DAPK2: variants seen among roughly 807,000 people sequenced by gnomAD.
DAPK2 encodes death-associated protein kinase 2.
A neutral mutation model predicts 44.1 loss-of-function variants in DAPK2; 35 were observed. The observed-to-expected ratio is 0.79, with a 90% confidence interval of 0.61 to 1.05. The LOEUF (loss-of-function observed/expected upper bound fraction) is 1.05. DAPK2 is among the 50% of genes least tolerant of loss of function. The pLI is 0.00. For missense variants in DAPK2, 453 were observed against 483.2 expected, an observed-to-expected ratio of 0.94 and a Z score of 0.59; for synonymous variants, 174 against 182.6, an observed-to-expected ratio of 0.95 and a Z score of 0.38.
chr15:64,031,835 G>T (rs1287441885), intron 1 of DAPK2, among the ~76,000 whole-genome samples: 1 of 152,150 alleles, frequency 6.6e-6, no homozygotes, highest in Admixed American at 6.5e-5. Context: ...TACTTCACAG[G>T]GTGTTATGAG....
intron 2 of DAPK2, among the ~76,000 whole-genome samples, chr15:63,982,389 C>T (rs574461157): frequency 3.9e-5 from 6 of 151,984 alleles, no homozygotes; most frequent in Admixed American, 6.6e-5. Flanking sequence ...TGGGGTTTCA[C>T]CATGTTAGCC....
intron 1 of DAPK2, among the ~76,000 whole-genome samples, chr15:64,002,852 G>A (rs2079117364): frequency 6.6e-6 from 1 of 151,480 alleles, no homozygotes; most frequent in Admixed American, 6.6e-5. Flanking sequence ...ACAAAGAATC[G>A]CCTAATTAAT....
intron 3 of DAPK2, among the ~76,000 whole-genome samples, chr15:63,961,948 G>A (rs1209397614): frequency 6.6e-6 from 1 of 152,268 alleles, no homozygotes. Flanking sequence ...TTTCCAACCT[G>A]GTTCCACTCT....
At chr15:63,959,310 T>C (rs1180956678) in intron 3 of DAPK2, among the ~76,000 whole-genome samples, 1 of 152,198 alleles carries the variant, frequency 6.6e-6, no homozygotes, top group Non-Finnish European at 1.5e-5. Flanking sequence ...ACAGGGACAA[T>C]TTGACTTCCT....
At chr15:63,925,153 C>T (rs1213496909) in intron 7 of DAPK2, among the ~76,000 whole-genome samples, 1 of 152,208 alleles carries the variant, frequency 6.6e-6, no homozygotes, top group East Asian at 1.9e-4. Context: ...AATGAGCTTC[C>T]AGAATCTTCC....
At chr15:63,926,423 G>T (rs2079270250) in intron 6 of DAPK2, among the ~76,000 whole-genome samples, 1 of 152,090 alleles carries the variant, frequency 6.6e-6, no homozygotes, top group African/African-American at 2.4e-5. Context: ...AAGGATAGGG[G>T]AGCACAGGAA....
intron 1 of DAPK2, among the ~76,000 whole-genome samples, chr15:64,005,777 C>T (rs2079210237): frequency 6.6e-6 from 1 of 152,038 alleles, no homozygotes; most frequent in African/African-American, 2.4e-5. Context: ...GCCTGTAATC[C>T]CAGCTACTCA....
intron 1 of DAPK2, among the ~76,000 whole-genome samples, chr15:64,006,883 G>A (rs908953942): frequency 2.0e-5 from 3 of 152,152 alleles, no homozygotes; most frequent in Admixed American, 2.0e-4. Flanking sequence ...AGGTAGCCAA[G>A]AAGGAAGTAG....
Position 64,037,945 on chromosome 15 carries a change from CA to C in DAPK2, c.92+2224del, listed in dbSNP as rs557317073. 7.9e-3 allele frequency among the ~76,000 whole-genome samples: 1,200 copies of C among 152,294 alleles called. 7 individuals carry two copies. The highest frequency in any genetic ancestry group is 0.012 in the Non-Finnish European group (814 of 68,014). On this transcript the variant is annotated intron_variant, in intron 1 of 10. Transcript: ENST00000261891. ...TTAGAAGAGTAGGGGAGGTGAGAAT[CA>C]CCCCAAGACACCCCAGGCTATGAGC... is the stretch of plus-strand genomic sequence containing the variant.
Position 63,966,962 on chromosome 15 carries a change from C to T in DAPK2, c.453+4461G>A, listed in dbSNP as rs1319780257. On this transcript the variant is annotated intron_variant, in intron 3 of 10. Coordinates refer to ENST00000261891, the Ensembl canonical transcript of DAPK2. This position sits in a 1 kb window ranked among gnomAD's most constrained non-coding sequence, Gnocchi z 5.5. ...TTGGGAGGCCGAGGTGGGCGGATCACGAGTCAGGAGATGGAGACCATCCTG... is the reference window on the plus strand; with the variant it reads ...TTGGGAGGCCGAGGTGGGCGGATCATGAGTCAGGAGATGGAGACCATCCTG... Among the ~76,000 whole-genome samples the T allele has an allele frequency of 2.0e-5, 3 of 151,904 alleles. No individual in the cohort carries two copies. The highest frequency in any genetic ancestry group is 4.8e-5 in the African/African-American group (2 of 41,332).
At chr15:63,955,731 C>A (rs1345894150) in intron 3 of DAPK2, among the ~76,000 whole-genome samples, 1 of 152,126 alleles carries the variant, frequency 6.6e-6, no homozygotes, top group Non-Finnish European at 1.5e-5. Flanking sequence ...CCACACCCAG[C>A]TAATTTTTGT....
At chr15:63,999,949 T>G (rs2079039942) in intron 1 of DAPK2, among the ~76,000 whole-genome samples, 1 of 151,794 alleles carries the variant, frequency 6.6e-6, no homozygotes, top group Admixed American at 6.6e-5. Flanking sequence ...ATATTTTCTG[T>G]AGAGATGGGG....
exon 3 of DAPK2, chr15:63,971,516 T>C: frequency 6.2e-7 from 1 of 1,614,190 alleles, no homozygotes; most frequent in Non-Finnish European, 8.5e-7. Context: ...CCTCACTCAG[T>C]GACTCCTTCT....
chr15:63,938,230 T>C lies in DAPK2; in HGVS notation c.583+1002A>G, dbSNP rs1456373557. Among the ~76,000 whole-genome samples the C allele has an allele frequency of 2.6e-5, 4 of 152,334 alleles. No homozygotes were observed. In the East Asian group the frequency reaches 7.7e-4, roughly 29 times the overall value. The stretch of plus-strand genomic sequence containing the variant: ...AGCACAGGCTTTGCTGTTGGCTGTA[T>C]CTGTATTTGAATCTCAGCTCCACTG... On this transcript the variant is annotated intron_variant, in intron 4 of 10. Transcript: ENST00000261891.
chr15:63,929,746 C>T (rs769041543), intron 5 of DAPK2, 169 bp from the exon 7 acceptor site: 7 of 797,462 alleles, frequency 8.8e-6, no homozygotes, highest in African/African-American at 3.4e-5. Context: ...AGCAGCAGCC[C>T]GGGGTGTGTT....
chr15:64,009,667 C>A (rs1010043250), intron 1 of DAPK2, among the ~76,000 whole-genome samples: 4 of 152,128 alleles, frequency 2.6e-5, no homozygotes, highest in Admixed American at 6.5e-5. Flanking sequence ...TGCCACCCCC[C>A]AGGAATCCTC....
chr15:63,933,369 A>C (rs1379813238), intron 4 of DAPK2, among the ~76,000 whole-genome samples: 2 of 151,894 alleles, frequency 1.3e-5, no homozygotes, highest in African/African-American at 4.8e-5. Context: ...TCAGCCTCCC[A>C]AGTAGCTGGG....
At chr15:63,915,227 C>T (rs2078896439) in intron 8 of DAPK2, among the ~76,000 whole-genome samples, 1 of 152,200 alleles carries the variant, frequency 6.6e-6, no homozygotes, top group Non-Finnish European at 1.5e-5. Flanking sequence ...TTGACTGAAT[C>T]TGAGGATGTG....
chr15:63,938,399 G>A (rs1162972903), intron 4 of DAPK2, among the ~76,000 whole-genome samples: 1 of 152,238 alleles, frequency 6.6e-6, no homozygotes, highest in East Asian at 1.9e-4. Flanking sequence ...TTCCTGCCCT[G>A]GGATCTGTGG....
Sources: allele counts gnomAD v4.1 joint callset (sites outside exome capture counted in the v4.1 genomes callset), GRCh38; gene constraint gnomAD v4.1.1; non-coding constraint Gnocchi (gnomAD v3.1); transcripts MANE v1.5; gene names NCBI Gene and HGNC (gene_info 2026-07-23, HGNC 2026-07-21).